VWA7: variants seen among roughly 807,000 people sequenced by gnomAD.
The protein encoded by VWA7 is von Willebrand factor A domain-containing protein 7.
A neutral mutation model predicts 83.1 loss-of-function variants in VWA7; 66 were observed. The observed-to-expected ratio is 0.79, with a 90% CI of 0.65 to 0.98. VWA7 has a LOEUF of 0.98. VWA7 is among the 50% of genes least tolerant of loss of function. The probability of loss-of-function intolerance (pLI) is 0.00; values close to 1 mark genes in which losing one functional copy is unlikely to be tolerated. For missense variants in VWA7, 1,080 were observed against 1,160.2 expected (o/e 0.93, Z 1.00); for synonymous variants, 424 against 488.5 (o/e 0.87, Z 1.74).
chr6:31,776,596 G>T lies in VWA7; in HGVS notation c.184C>A (p.Leu62Met). ...AALNVTLQLF[L>M]EQPPPGRPPL... Reference sequence around the variant, plus strand: ...GGGCGGCCTGGGGGTGGCTGCTCCAGGAAGAGCTGCAGGGTGACGTTGAGC... The same window carrying T: ...GGGCGGCCTGGGGGTGGCTGCTCCATGAAGAGCTGCAGGGTGACGTTGAGC... The change falls in exon 2 of 17, where the codon CTG becomes ATG. Residue 62 changes from leucine to methionine, a missense_variant. Coordinates refer to ENST00000375688, the MANE Select transcript of VWA7 (RefSeq NM_025258.3). This position sits in a 1 kb window ranked among gnomAD's most constrained non-coding sequence, Gnocchi z 6.2. The T allele has an allele frequency of 6.5e-7, 1 of 1,549,478 alleles. No homozygotes were observed. The highest frequency in any genetic ancestry group is 2.4e-5 in the East Asian group (1 of 40,978).
In VWA7 at chr6:31,776,675, G is replaced by A; in HGVS notation, c.105C>T (p.Ser35=). The A allele has an allele frequency of 6.5e-7, 1 of 1,535,036 alleles. No individual in the cohort carries two copies. The change falls in exon 2 of 17, where the codon AGC becomes AGT. Residue 35 remains serine, a synonymous_variant. Transcript: ENST00000375688. This position sits in a 1 kb window ranked among gnomAD's most constrained non-coding sequence, Gnocchi z 6.2. Reference sequence around the variant, plus strand: ...TGATGGAGCCAGGGGCAGCCAGCAGGCTCCAGATGTTGGGGAAGAAGGCAG... The same window carrying A: ...TGATGGAGCCAGGGGCAGCCAGCAGACTCCAGATGTTGGGGAAGAAGGCAG... ...PTSAFFPNIW[S]LLAAPGSITH...
intron 16 of VWA7, 23 bp from the exon 17 acceptor site, chr6:31,765,793 G>T (rs200276022): frequency 2.5e-6 from 4 of 1,585,860 alleles, no homozygotes; most frequent in Non-Finnish European, 2.6e-6. Context: ...GGAAGAGAAT[G>T]ACAGGGTGTG....
At chr6:31,774,760 C>T in intron 4 of VWA7, 134 bp from the exon 5 acceptor site, 2 of 687,048 alleles carry the variant, frequency 2.9e-6, no homozygotes, top group Non-Finnish European at 4.8e-6. Flanking sequence ...GCAAAGCTTT[C>T]TGAACTAAAA....
chr6:31,769,969 C>A lies in VWA7; in HGVS notation c.1200+32G>T. The A allele has an allele frequency of 6.2e-7, 1 of 1,604,948 alleles. No individual in the cohort carries two copies. The highest frequency in any genetic ancestry group is 8.5e-7 in the Non-Finnish European group (1 of 1,173,394). The stretch of plus-strand genomic sequence containing the variant: ...GATCTAGCTCCCCCTGGTGGTGGGG[C>A]CAGGAAACGGGGAAGAAGGGAGGGG... On this transcript the variant is annotated intron_variant, in intron 8 of 16. Coordinates refer to ENST00000375688, the MANE Select transcript of VWA7 (RefSeq NM_025258.3). This position sits in a 1 kb window ranked among gnomAD's most constrained non-coding sequence, Gnocchi z 4.5.
At chr6:31,771,990 C>CAAAAAAAA (rs34193146) in intron 7 of VWA7, among the ~76,000 whole-genome samples, 5 of 41,936 alleles carry the variant, frequency 1.2e-4, no homozygotes, top group Non-Finnish European at 2.1e-4. Context: ...GACTCCGTCT[C>CAAAAAAAA]AAAAAAAAAA....
In VWA7 at chr6:31,777,055, G is replaced by A; in HGVS notation, c.-16+54C>T. 7.4e-6 allele frequency: 3 copies of A among 407,758 alleles called. No homozygotes were observed. The highest frequency in any genetic ancestry group is 1.8e-4 in the South Asian group (2 of 11,228). 25.3% of individuals were successfully genotyped at this position (407,758 alleles called of 1,614,324 possible). On this transcript the variant is annotated intron_variant, in intron 1 of 16. Transcript: ENST00000375688. The surrounding 1 kb of genome is among the most constrained non-coding windows in gnomAD (Gnocchi z 5.8). ...CCCTGGCTGCGTCCCCAGCCCTGCC[G>A]CAGAAACACTCCCCATGCTCAGGAA...
In VWA7 at chr6:31,766,121, T is replaced by A; in HGVS notation, c.2325-64A>T. 6.3e-7 allele frequency: 1 copy of A among 1,599,920 alleles called. No individual in the cohort carries two copies. The highest frequency in any genetic ancestry group is 8.5e-7 in the Non-Finnish European group (1 of 1,171,822). On this transcript the variant is annotated intron_variant, in intron 15 of 16. Transcript: ENST00000375688. The surrounding 1 kb of genome is among the most constrained non-coding windows in gnomAD (Gnocchi z 4.9). ...GCCCAGAGCCTAGAGTCGGGACGCC[T>A]GCAGGGGCACGGGAGCGGAGAGGAG...
Position 31,766,713 on chromosome 6 carries a change from T to A in VWA7, c.1934A>T (p.Asn645Ile). 8 of 1,612,122 alleles carry A rather than the reference T, an allele frequency of 5.0e-6. No homozygotes were observed. Among genetic ancestry groups the A allele is most frequent in the Non-Finnish European group, 6.8e-6 (8 of 1,179,380 alleles). Residue 645 changes from asparagine (N) to isoleucine (I), a missense_variant, in exon 14 of 17, where the codon AAT (asparagine) becomes ATT (isoleucine). Asn to Ile is a moderately radical substitution (Grantham distance 149). Coordinates refer to ENST00000375688, the MANE Select transcript of VWA7 (RefSeq NM_025258.3). This position sits in a 1 kb window ranked among gnomAD's most constrained non-coding sequence, Gnocchi z 4.9. ...VEVTGLGSRA[N>I]PGDPQPHFSH... ...GAAATGCGGCTGAGGATCCCCAGGA[T>A]TGGCTCTGGAACCCAACCCTGTCAC... is the stretch of plus-strand genomic sequence containing the variant.
chr6:31,766,783 G>A lies in VWA7; in HGVS notation c.1883-19C>T. 1 of 1,583,014 alleles carries A rather than the reference G, an allele frequency of 6.3e-7. No individual in the cohort carries two copies. The highest frequency in any genetic ancestry group is 8.6e-7 in the Non-Finnish European group (1 of 1,160,116). ...TGAAGACCTGGGACAGGGGCGAGGA[G>A]GGGAGAACATTGTGAGATTCGGAGA... On this transcript the variant is annotated intron_variant, in intron 13 of 16. Coordinates refer to ENST00000375688, the MANE Select transcript of VWA7 (RefSeq NM_025258.3). This position sits in a 1 kb window ranked among gnomAD's most constrained non-coding sequence, Gnocchi z 4.9.
chr6:31,773,583 A>C lies in VWA7; in HGVS notation c.722-146T>G. 12 of 845,198 alleles carry C rather than the reference A, an allele frequency of 1.4e-5. No homozygotes were observed. Among genetic ancestry groups the C allele is most frequent in the Non-Finnish European group, 1.9e-5 (11 of 568,850 alleles). 52.4% of individuals were successfully genotyped at this position (845,198 alleles called of 1,614,324 possible). A position where few individuals can be genotyped will look rare whatever the true frequency, so the allele number is the denominator to read the frequency against. ...GATGACGGGGTTGGCGCGGTGGCTC[A>C]CGCCTGGAATCCCAGCGCTTTGGGA... On this transcript the variant is annotated intron_variant, in intron 5 of 16. Transcript: ENST00000375688. This position sits in a 1 kb window ranked among gnomAD's most constrained non-coding sequence, Gnocchi z 5.3.
Position 31,766,562 on chromosome 6 carries a change from A to G in VWA7, c.2085T>C (p.Pro695=). ...ASLSPTLLST[P]RPFSLELIGQ... ...CAATCAGCTCCAGGGAGAAGGGTCT[A>G]GGGGTGGACAGCAGCGTGGGCGACA... Residue 695 remains proline, a synonymous_variant, in exon 14 of 17, where the codon CCT becomes CCC. Transcript: ENST00000375688. This position sits in a 1 kb window ranked among gnomAD's most constrained non-coding sequence, Gnocchi z 4.9. The G allele has an allele frequency of 1.9e-6, 3 of 1,612,850 alleles. No individual in the cohort carries two copies. Among genetic ancestry groups the G allele is most frequent in the Non-Finnish European group, 2.5e-6 (3 of 1,179,970 alleles).
Position 31,769,154 on chromosome 6 carries a change from C to A in VWA7, c.1367G>T (p.Arg456Leu). The change falls in exon 10 of 17, where the codon CGG becomes CTG. Residue 456 changes from arginine to leucine, a missense_variant. Coordinates refer to ENST00000375688, the MANE Select transcript of VWA7 (RefSeq NM_025258.3). The surrounding 1 kb of genome is among the most constrained non-coding windows in gnomAD (Gnocchi z 4.5). ...EDTSRVQGRA[R>L]REILSPLRFE... ...ACGCAGAGGGGACAAGATCTCACGC[C>A]GAGCTCGACCCTGAACCCTTGATGT... 1 of 1,613,100 alleles carries A rather than the reference C, an allele frequency of 6.2e-7. No individual in the cohort carries two copies. Among genetic ancestry groups the A allele is most frequent in the Non-Finnish European group, 8.5e-7 (1 of 1,180,040 alleles).
In VWA7 at chr6:31,776,417, C is replaced by G. The variant is rs1812693696; in HGVS notation, c.234+129G>C. On this transcript the variant is annotated intron_variant, in intron 2 of 16. Coordinates refer to ENST00000375688, the MANE Select transcript of VWA7 (RefSeq NM_025258.3). The surrounding 1 kb of genome is among the most constrained non-coding windows in gnomAD (Gnocchi z 6.2). ...ACTCCTAATTTCAGGACCAAGACTA[C>G]TGGGTATTATTGCTGCAGGGGTGGG... The G allele has an allele frequency of 8.9e-6, 11 of 1,231,702 alleles. No homozygotes were observed. In the South Asian group the frequency reaches 1.7e-4, roughly 19 times the overall value. The allele number at this position is 1,231,702 out of a possible 1,614,324, so 76.3% of individuals were successfully genotyped here.
At position 31,766,878 on chromosome 6, in the gene VWA7, G is replaced by T; in HGVS notation, c.1883-114C>A. ...CTGGGGAGTATGGATGGGAAAATAG[G>T]TTACCTTCGAGGGGTATTGATGGGG... On this transcript the variant is annotated intron_variant, in intron 13 of 16. Transcript: ENST00000375688. This position sits in a 1 kb window ranked among gnomAD's most constrained non-coding sequence, Gnocchi z 4.9. The T allele has an allele frequency of 8.1e-7, 1 of 1,228,882 alleles. No homozygotes were observed. Among genetic ancestry groups the T allele is most frequent in the Non-Finnish European group, 1.1e-6 (1 of 904,552 alleles). The allele number at this position is 1,228,882 out of a possible 1,614,324, so 76.1% of individuals were successfully genotyped here.
Position 31,777,283 on chromosome 6 carries a change from G to A in VWA7, c.-190C>T. ...TGCCTGCCCAAAGCCACAGGCAGCA[G>A]CCCACGCCAGGGCGGGCCTCCCTTG... is the stretch of plus-strand genomic sequence containing the variant. On this transcript the variant is annotated 5_prime_UTR_variant, in exon 1 of 17. Coordinates refer to ENST00000375688, the MANE Select transcript of VWA7 (RefSeq NM_025258.3). The surrounding 1 kb of genome is among the most constrained non-coding windows in gnomAD (Gnocchi z 5.8). 2.0e-6 allele frequency: 1 copy of A among 510,150 alleles called. No individual in the cohort carries two copies. Among genetic ancestry groups the A allele is most frequent in the Non-Finnish European group, 3.5e-6 (1 of 285,170 alleles). 31.6% of individuals were successfully genotyped at this position (510,150 alleles called of 1,614,324 possible). A position where few individuals can be genotyped will look rare whatever the true frequency, so the allele number is the denominator to read the frequency against.
rs780497132 is a variant in VWA7, at chr6:31,775,437, G to A, written c.514-8C>T. Reference sequence around the variant, plus strand: ...GCTATGACTGTAGAAATCCTGGTCCGGAGGACAGGAGAAGGGGAGTGAGGC... The same window carrying A: ...GCTATGACTGTAGAAATCCTGGTCCAGAGGACAGGAGAAGGGGAGTGAGGC... On this transcript the variant is annotated splice_polypyrimidine_tract_variant and splice_region_variant and intron_variant, in intron 3 of 16. Transcript: ENST00000375688. This position sits in a 1 kb window ranked among gnomAD's most constrained non-coding sequence, Gnocchi z 5.9. The A allele has an allele frequency of 5.0e-6, 8 of 1,609,260 alleles. No individual in the cohort carries two copies. The South Asian group carries it at 6.6e-5, about 13-fold the overall frequency.
In VWA7 at chr6:31,766,011, C is replaced by G. The variant is rs749663529; in HGVS notation, c.2371G>C (p.Glu791Gln). The change falls in exon 16 of 17, where the codon GAG (glutamate) becomes CAG (glutamine). Residue 791 changes from glutamate to glutamine, a missense_variant. Transcript: ENST00000375688. The surrounding 1 kb of genome is among the most constrained non-coding windows in gnomAD (Gnocchi z 4.9). ...NESAWGRLWL[E>Q]VPDSAAPDSV... Reference sequence around the variant, plus strand: ...TCCGGGGCCGCTGAATCTGGGACCTCCAGCCACAGGCGGCCCCAGGCCGAC... The same window carrying G: ...TCCGGGGCCGCTGAATCTGGGACCTGCAGCCACAGGCGGCCCCAGGCCGAC... 5 of 1,612,914 alleles carry G rather than the reference C, an allele frequency of 3.1e-6. No homozygotes were observed. In the South Asian group the frequency reaches 5.5e-5, roughly 18 times the overall value.
At chr6:31,770,269 C>G (rs750823070) in intron 7 of VWA7, among the ~76,000 whole-genome samples, 156 bp from the exon 8 acceptor site, 3 of 151,882 alleles carry the variant, frequency 2.0e-5, no homozygotes, top group Non-Finnish European at 4.4e-5. Flanking sequence ...TGGCCGGGTG[C>G]GGTGGCTCAC....
At chr6:31,774,695 A>G in intron 4 of VWA7, 69 bp from the exon 5 acceptor site, 1 of 1,322,690 alleles carries the variant, frequency 7.6e-7, no homozygotes, top group Non-Finnish European at 1.0e-6. Flanking sequence ...ACCCACCCAA[A>G]CCTTTTCAGC....
Sources: allele counts gnomAD v4.1 joint callset (sites outside exome capture counted in the v4.1 genomes callset), GRCh38; gene constraint gnomAD v4.1.1; non-coding constraint Gnocchi (gnomAD v3.1); transcripts MANE v1.5; gene names NCBI Gene and HGNC (gene_info 2026-07-23, HGNC 2026-07-21).